KIAA1671: variants seen among roughly 807,000 people sequenced by gnomAD.
The protein encoded by KIAA1671 is KIAA1671.
Under a neutral mutation model 131.2 loss-of-function variants are expected in KIAA1671, and 52 were observed. That is an observed-to-expected ratio of 0.40 (90% CI 0.32 to 0.50). KIAA1671 has a LOEUF of 0.50. KIAA1671 is among the 20% of genes least tolerant of loss of function. The pLI, the probability that KIAA1671 is intolerant of heterozygous loss-of-function variation, is 0.73. For missense variants in KIAA1671, 2,360 were observed against 2,364.2 expected, an observed-to-expected ratio of 1.00 and a Z score of 0.04; for synonymous variants, 1,003 against 961.6, an observed-to-expected ratio of 1.04 and a Z score of -0.80.
At chr22:25,190,851 G>C in intron 12 of KIAA1671, 67 bp downstream of exon 12, 1 of 1,114,328 alleles carries the variant, frequency 9.0e-7, no homozygotes, top group South Asian at 1.3e-5. Flanking sequence ...GAACTCAGGG[G>C]GGCCACGCTT....
rs529613498 is a variant in KIAA1671 at position 24,981,890 on chromosome 22, C to T, written c.-208+29118C>T. 2.2e-4 allele frequency among the ~76,000 whole-genome samples: 34 copies of T among 152,250 alleles called. No individual in the cohort carries two copies. The South Asian group carries it at 3.7e-3, about 17-fold the overall frequency. The stretch of plus-strand genomic sequence containing the variant: ...CCACTGCACTCCAGCGTGGGTGACA[C>T]AGCAAAACTCTGTCTAACATAAAAG... On this transcript the variant is annotated intron_variant, in intron 1 of 12. Coordinates refer to ENST00000358431, the MANE Select transcript of KIAA1671 (RefSeq NM_001145206.2).
At chr22:25,006,502 G>C (rs1165631843) in intron 1 of KIAA1671, among the ~76,000 whole-genome samples, 1 of 152,210 alleles carries the variant, frequency 6.6e-6, no homozygotes, top group Non-Finnish European at 1.5e-5. Context: ...ACTTCATAGA[G>C]ATGTGGGCTT....
intron 6 of KIAA1671, among the ~76,000 whole-genome samples, chr22:25,068,105 C>T (rs5760826): frequency 6.6e-6 from 1 of 152,334 alleles, no homozygotes; most frequent in East Asian, 1.9e-4. Context: ...GTACTGTCAG[C>T]TGGTGAGCAG....
At position 25,084,892 on chromosome 22, in the gene KIAA1671, C is replaced by T. The variant is rs562455188; in HGVS notation, c.4530+35528C>T. ...GTCAACCAGAGCACTGAAACACGGC[C>T]ACTCCTGGTGGCGTGGGCTTCCTCA... On this transcript the variant is annotated intron_variant, in intron 6 of 12. Transcript: ENST00000358431. 5.0e-4 allele frequency among the ~76,000 whole-genome samples: 76 copies of T among 152,354 alleles called. No individual in the cohort carries two copies. In the South Asian group the frequency reaches 0.016, roughly 31 times the overall value.
chr22:25,082,360 G>A (rs186810179), intron 6 of KIAA1671, among the ~76,000 whole-genome samples: 1 of 152,320 alleles, frequency 6.6e-6, no homozygotes, highest in African/African-American at 2.4e-5. Flanking sequence ...CATCCAAGAG[G>A]CTGAACCACA....
chr22:25,184,113 A>G (rs1344760641), intron 10 of KIAA1671, among the ~76,000 whole-genome samples: 3 of 152,232 alleles, frequency 2.0e-5, no homozygotes, highest in Non-Finnish European at 4.4e-5. Flanking sequence ...CAGCAGTGCT[A>G]GGCGATTATT....
intron 1 of KIAA1671, among the ~76,000 whole-genome samples, chr22:25,019,508 G>C (rs906018469): frequency 6.6e-6 from 1 of 151,472 alleles, no homozygotes; most frequent in Non-Finnish European, 1.5e-5. Context: ...CTCTGGTATT[G>C]AGATGTAAAA....
intron 6 of KIAA1671, among the ~76,000 whole-genome samples, chr22:25,071,252 T>C (rs1039140887): frequency 6.6e-6 from 1 of 152,160 alleles, no homozygotes; most frequent in Non-Finnish European, 1.5e-5. Flanking sequence ...AAAGGGAAAG[T>C]CTTAGGAAAT....
chr22:25,006,193 G>A (rs750411791), intron 1 of KIAA1671, among the ~76,000 whole-genome samples: 1 of 151,942 alleles, frequency 6.6e-6, no homozygotes. Flanking sequence ...CACCATGCCT[G>A]GCTAGTTTTT....
At chr22:25,168,213 G>A (rs375062963) in intron 6 of KIAA1671, among the ~76,000 whole-genome samples, 11 of 152,324 alleles carry the variant, frequency 7.2e-5, no homozygotes, top group Middle Eastern at 3.4e-3. Context: ...TCCAAGAGGG[G>A]AACAGAAACA....
chr22:24,964,237 G>A (rs2123802552), intron 1 of KIAA1671, among the ~76,000 whole-genome samples: 1 of 152,078 alleles, frequency 6.6e-6, no homozygotes, highest in South Asian at 2.1e-4. Flanking sequence ...GCTGAGGCAG[G>A]AGAATTGCTT....
chr22:25,190,927 T>G (rs1601398386), intron 12 of KIAA1671, 143 bp downstream of exon 12: 3 of 561,326 alleles, frequency 5.3e-6, no homozygotes, highest in Non-Finnish European at 6.4e-6. Context: ...GGGTGGGGGG[T>G]GTTCTGAGTT....
intron 1 of KIAA1671, among the ~76,000 whole-genome samples, chr22:25,008,366 C>T (rs530574398): frequency 1.1e-4 from 17 of 152,186 alleles, no homozygotes; most frequent in African/African-American, 4.1e-4. Context: ...CTGTAAATCA[C>T]TTTGCCTTTC....
rs573928813 is a variant in KIAA1671 at position 24,984,111 on chromosome 22, G to C, written c.-208+31339G>C. Among the ~76,000 whole-genome samples, 70 of 152,194 alleles carry C rather than the reference G, an allele frequency of 4.6e-4. No homozygotes were observed. The South Asian group carries it at 0.014, about 31-fold the overall frequency. On this transcript the variant is annotated intron_variant, in intron 1 of 12. Coordinates refer to ENST00000358431, the MANE Select transcript of KIAA1671 (RefSeq NM_001145206.2). Reference sequence around the variant, plus strand: ...GATTTAACTCTAAATGCCTCTCAGGGGCTTAAGCAGGGACATTATGTGGTT... The same window carrying C: ...GATTTAACTCTAAATGCCTCTCAGGCGCTTAAGCAGGGACATTATGTGGTT...
intron 1 of KIAA1671, among the ~76,000 whole-genome samples, chr22:24,958,045 A>G (rs1263535601): frequency 6.9e-6 from 1 of 144,854 alleles, no homozygotes. Context: ...TTTACAGTTC[A>G]TGAAACTGAG....
intron 1 of KIAA1671, among the ~76,000 whole-genome samples, chr22:25,000,286 C>T (rs796725613): frequency 3.6e-5 from 3 of 83,684 alleles, no homozygotes; most frequent in Admixed American, 1.3e-4. Context: ...CTCCGCCTCC[C>T]GGGTTCACGC....
At chr22:25,188,203 A>G (rs1934540516) in intron 11 of KIAA1671, among the ~76,000 whole-genome samples, 1 of 152,320 alleles carries the variant, frequency 6.6e-6, no homozygotes, top group East Asian at 1.9e-4. Context: ...CGGGAGGCTG[A>G]GGCAGGAGAA....
intron 6 of KIAA1671, among the ~76,000 whole-genome samples, chr22:25,087,434 ATTAGGC>A (rs1929786144): frequency 6.6e-6 from 1 of 152,052 alleles, no homozygotes; most frequent in Admixed American, 6.6e-5. Context: ...AAATACAAAA[ATTAGGC>A]AGGCATGGTG....
At position 24,967,759 on chromosome 22, in the gene KIAA1671, A is replaced by G. The variant is rs537111514; in HGVS notation, c.-208+14987A>G. ...TGTAATCCCAGCACTCTGGGAGGCC[A>G]AGGTGGGCGGATCATGAGGTCAGGA... On this transcript the variant is annotated intron_variant, in intron 1 of 12. Coordinates refer to ENST00000358431, the MANE Select transcript of KIAA1671 (RefSeq NM_001145206.2). Among the ~76,000 whole-genome samples the G allele has an allele frequency of 1.6e-3, 251 of 152,238 alleles. 1 individual carries two copies. The highest frequency in any genetic ancestry group is 0.01 in the Middle Eastern group (3 of 290).
Sources: allele counts gnomAD v4.1 joint callset (sites outside exome capture counted in the v4.1 genomes callset), GRCh38; gene constraint gnomAD v4.1.1; transcripts MANE v1.5; gene names NCBI Gene and HGNC (gene_info 2026-07-23, HGNC 2026-07-21).